The following RGL1 variants were observed in gnomAD, a reference collection of about 807,000 sequenced individuals.
RGL1 encodes ral guanine nucleotide dissociation stimulator like 1, also known as ral guanine nucleotide dissociation stimulator-like 1.
RGL1 carries 24 observed loss-of-function variants against 95.2 expected under a neutral mutation model. The observed-to-expected ratio is 0.25, with a 90% CI of 0.18 to 0.35. The LOEUF (loss-of-function observed/expected upper bound fraction) is 0.35. Ranked by LOEUF, RGL1 falls within the 10% of genes least tolerant of loss-of-function variation. RGL1 has a pLI of 1.00. For synonymous variants in RGL1, 329 were observed against 344.9 expected (o/e 0.95, Z 0.51); for missense variants, 715 against 936.3 (o/e 0.76, Z 3.08).
intron 2 of RGL1, among the ~76,000 whole-genome samples, chr1:183,832,210 T>A (rs1663307813): frequency 6.6e-6 from 1 of 152,050 alleles, no homozygotes; most frequent in Non-Finnish European, 1.5e-5. Context: ...TGGGACGATA[T>A]AGGAGATGGA....
intron 1 of RGL1, among the ~76,000 whole-genome samples, chr1:183,684,044 G>A (rs1284136203): frequency 6.6e-6 from 1 of 151,992 alleles, no homozygotes; most frequent in Non-Finnish European, 1.5e-5. Flanking sequence ...CTCTAAACTG[G>A]TTATTCTAGT....
At chr1:183,906,553 G>T (rs893838804) in intron 13 of RGL1, among the ~76,000 whole-genome samples, 9 of 151,994 alleles carry the variant, frequency 5.9e-5, no homozygotes, top group Non-Finnish European at 1.3e-4. Context: ...GATTACAAAA[G>T]TCTCTTCATT....
At chr1:183,862,193 AT>A (rs914291547) in intron 3 of RGL1, among the ~76,000 whole-genome samples, 2 of 152,140 alleles carry the variant, frequency 1.3e-5, no homozygotes, top group Non-Finnish European at 1.5e-5. Flanking sequence ...AATAAAAAAA[AT>A]TAGCCAGGCA....
At chr1:183,642,463 G>A (rs1413172929) in intron 1 of RGL1, among the ~76,000 whole-genome samples, 3 of 151,846 alleles carry the variant, frequency 2.0e-5, no homozygotes, top group East Asian at 1.9e-4. Flanking sequence ...CTCTACTTTC[G>A]GTATCTTTTT....
intron 1 of RGL1, among the ~76,000 whole-genome samples, chr1:183,658,284 C>T (rs936262187): frequency 1.3e-5 from 2 of 152,342 alleles, no homozygotes; most frequent in Admixed American, 1.3e-4. Flanking sequence ...CGCAAGGGGT[C>T]AGGGAGTTCC....
chr1:183,883,782 A>G lies in RGL1; in HGVS notation c.611-4A>G. Reference sequence around the variant, plus strand: ...AATTACTAATCTTTTCCATATGTGAACAGATGGGCTTCCCAACACGATCTC... The same window carrying G: ...AATTACTAATCTTTTCCATATGTGAGCAGATGGGCTTCCCAACACGATCTC... On this transcript the variant is annotated splice_region_variant and splice_polypyrimidine_tract_variant and intron_variant, in intron 5 of 17. Transcript: ENST00000360851. The G allele has an allele frequency of 1.2e-6, 2 of 1,613,940 alleles. No homozygotes were observed. The highest frequency in any genetic ancestry group is 1.7e-6 in the Non-Finnish European group (2 of 1,179,828).
intron 2 of RGL1, among the ~76,000 whole-genome samples, chr1:183,758,558 A>C (rs796866434): frequency 2.0e-5 from 3 of 152,168 alleles, no homozygotes; most frequent in African/African-American, 7.2e-5. Context: ...GGATGCCAGC[A>C]TGTTTGGGTT....
intron 1 of RGL1, among the ~76,000 whole-genome samples, chr1:183,693,502 C>T (rs12042153): frequency 1.9e-4 from 29 of 151,682 alleles, no homozygotes; most frequent in Non-Finnish European, 3.2e-4. Context: ...CTCTTTCTTT[C>T]GATCATTCCT....
At chr1:183,854,069 A>G (rs1053261385) in intron 3 of RGL1, among the ~76,000 whole-genome samples, 6 of 152,214 alleles carry the variant, frequency 3.9e-5, no homozygotes, top group Non-Finnish European at 5.9e-5. Flanking sequence ...TTCATGCTGA[A>G]TGTCTAGTGG....
chr1:183,886,758 TTTA>T (rs1298460670), intron 7 of RGL1, among the ~76,000 whole-genome samples: 14 of 152,118 alleles, frequency 9.2e-5, no homozygotes, highest in African/African-American at 3.4e-4. Flanking sequence ...GCTACCAAGA[TTTA>T]TTTTACCTTT....
intron 1 of RGL1, among the ~76,000 whole-genome samples, chr1:183,671,151 A>G (rs1012224446): frequency 1.5e-4 from 23 of 152,250 alleles, no homozygotes; most frequent in African/African-American, 4.8e-4. Flanking sequence ...TCATGAGAAC[A>G]GCATGGGCAA....
In RGL1 at chr1:183,816,191, T is replaced by C. The variant is rs145020675; in HGVS notation, c.138+9706T>C. Among the ~76,000 whole-genome samples the C allele has an allele frequency of 4.7e-3, 716 of 152,330 alleles. 3 individuals are homozygous for C. The highest frequency in any genetic ancestry group is 6.6e-3 in the Non-Finnish European group (447 of 68,022). ...CCTTCAGTTTTCTAAAGTAATTTGT[T>C]GGTATTATTTTTATGCTTTAAAAAA... On this transcript the variant is annotated intron_variant, in intron 2 of 17. Transcript: ENST00000360851.
At chr1:183,641,461 G>T (rs991198864) in intron 1 of RGL1, among the ~76,000 whole-genome samples, 2 of 152,120 alleles carry the variant, frequency 1.3e-5, no homozygotes, top group African/African-American at 2.4e-5. Context: ...TGTAGATACA[G>T]TGTCTCCCTA....
chr1:183,856,638 T>A (rs4501792), intron 3 of RGL1, among the ~76,000 whole-genome samples: 4,565 of 147,650 alleles, frequency 0.031, 182 homozygotes, highest in African/African-American at 0.091. Flanking sequence ...ATATATATTT[T>A]TATATATATA....
At chr1:183,738,703 C>G (rs778765915) in intron 1 of RGL1, among the ~76,000 whole-genome samples, 4 of 152,070 alleles carry the variant, frequency 2.6e-5, no homozygotes, top group African/African-American at 9.7e-5. Flanking sequence ...GAGTTCAAGA[C>G]CAGCCTGGCC....
Position 183,772,971 on chromosome 1 carries a change from T to TGCAGTCC in RGL1, c.132+30691_132+30697dup, listed in dbSNP as rs1228478493. On this transcript the variant is annotated intron_variant, in intron 2 of 18. Coordinates refer to the RGL1 transcript ENST00000304685. ...TTGCAGTGAGCCGAGATTGTGCCAC[T>TGCAGTCC]GCAGTCCGCAGTCCGGCCTGGGCGA... 2.3e-5 allele frequency among the ~76,000 whole-genome samples: 3 copies of TGCAGTCC among 132,534 alleles called. No individual in the cohort carries two copies. The South Asian group carries it at 7.3e-4, about 32-fold the overall frequency. 86.9% of individuals were successfully genotyped at this position (132,534 alleles called of 152,430 possible). A position where few individuals can be genotyped will look rare whatever the true frequency, so the allele number is the denominator to read the frequency against.
At chr1:183,648,388 G>T in intron 1 of RGL1, 1 of 1,614,188 alleles carries the variant, frequency 6.2e-7, no homozygotes. Flanking sequence ...ATGCAGCAGT[G>T]GTTAGCTTCA....
At chr1:183,687,308 A>G (rs1188503229) in intron 1 of RGL1, among the ~76,000 whole-genome samples, 2 of 152,206 alleles carry the variant, frequency 1.3e-5, no homozygotes, top group Admixed American at 6.5e-5. Context: ...GCTGGCAGGT[A>G]GGTTTCGTGT....
chr1:183,874,509 G>T lies in RGL1; in HGVS notation c.426-6107G>T, dbSNP rs564542103. On this transcript the variant is annotated intron_variant, in intron 4 of 17. Transcript: ENST00000360851. ...TTTTCTTCCTCCTTCTTGCCGTGGAGGTTTTTTTTTTTCTCTTCTCTCCCT... is the reference window on the plus strand; with the variant it reads ...TTTTCTTCCTCCTTCTTGCCGTGGATGTTTTTTTTTTTCTCTTCTCTCCCT... Among the ~76,000 whole-genome samples the T allele has an allele frequency of 4.0e-5, 6 of 151,458 alleles. No individual in the cohort carries two copies. In the East Asian group the frequency reaches 1.2e-3, roughly 29 times the overall value.
Sources: allele counts gnomAD v4.1 joint callset (sites outside exome capture counted in the v4.1 genomes callset), GRCh38; gene constraint gnomAD v4.1.1; transcripts MANE v1.5; gene names NCBI Gene and HGNC (gene_info 2026-07-23, HGNC 2026-07-21).